The following SRFBP1 variants were observed in gnomAD, a reference collection of about 807,000 sequenced individuals.
The protein encoded by SRFBP1 is serum response factor binding protein 1.
A neutral mutation model predicts 45.5 loss-of-function variants in SRFBP1; 47 were observed. That is an observed-to-expected ratio of 1.03 (90% CI 0.82 to 1.32). The LOEUF is 1.32. SRFBP1 is among the 40% of genes most tolerant of loss of function. The pLI is 0.00. For synonymous variants in SRFBP1, 203 were observed against 166.3 expected (o/e 1.22, Z -1.70); for missense variants, 621 against 484.6 (o/e 1.28, Z -2.64).
intron 1 of SRFBP1, among the ~76,000 whole-genome samples, chr5:121,966,299 T>TA (rs1752062633): frequency 1.3e-5 from 2 of 152,254 alleles, no homozygotes; most frequent in Admixed American, 1.3e-4. Flanking sequence ...TTTACTCTTC[T>TA]AAAAAATAAA....
chr5:122,004,905 A>G (rs1396974953), intron 4 of SRFBP1, among the ~76,000 whole-genome samples: 1 of 152,068 alleles, frequency 6.6e-6, no homozygotes, highest in Non-Finnish European at 1.5e-5. Context: ...TCTTTGACTT[A>G]TTAGTTGTAC....
At chr5:122,048,544 A>G (rs935287637) in intron 2 of SRFBP1, among the ~76,000 whole-genome samples, 1 of 152,164 alleles carries the variant, frequency 6.6e-6, no homozygotes, top group South Asian at 2.1e-4. Flanking sequence ...TGGTATCAGG[A>G]TGATGCTGGC....
intron 7 of SRFBP1, 68 bp downstream of exon 7, chr5:122,022,475 G>A: frequency 7.1e-7 from 1 of 1,401,930 alleles, no homozygotes; most frequent in Non-Finnish European, 9.8e-7. Context: ...AAAAGAATGA[G>A]AAATTGTTGT....
At position 122,027,019 on chromosome 5, in the gene SRFBP1, C is replaced by T; in HGVS notation, c.1183C>T (p.Gln395Ter). The T allele has an allele frequency of 1.2e-6, 2 of 1,612,200 alleles. No individual in the cohort carries two copies. The highest frequency in any genetic ancestry group is 2.2e-5 in the South Asian group (2 of 90,970). Residue 395 changes from glutamine to a stop codon, truncating the protein, a stop_gained, in exon 8 of 8, where the codon CAA becomes TAA. Coordinates refer to ENST00000339397, the MANE Select transcript of SRFBP1 (RefSeq NM_152546.3). LOFTEE classifies it high-confidence loss of function. ...LSGRLENTKQ[Q>*]LQLPLHPSWE... ...AGGAAGACTTGAAAATACAAAACAG[C>T]AATTGCAGCTGCCTCTTCATCCTTC... is the stretch of plus-strand genomic sequence containing the variant.
At chr5:122,058,444 G>A (rs2152580719) in intron 2 of SRFBP1, among the ~76,000 whole-genome samples, 1 of 151,762 alleles carries the variant, frequency 6.6e-6, no homozygotes, top group South Asian at 2.1e-4. Context: ...TTGGGCAATG[G>A]CTTAGCTTCT....
intron 4 of SRFBP1, among the ~76,000 whole-genome samples, chr5:122,018,908 T>G (rs1440412757): frequency 6.6e-6 from 1 of 152,174 alleles, no homozygotes; most frequent in Non-Finnish European, 1.5e-5. Context: ...GATATTAATT[T>G]AGTCTTCTTA....
chr5:121,967,955 T>C (rs1752109699), intron 1 of SRFBP1, among the ~76,000 whole-genome samples: 2 of 152,326 alleles, frequency 1.3e-5, no homozygotes, highest in African/African-American at 4.8e-5. Flanking sequence ...TGTCAGTGTT[T>C]TGCTATATCT....
intron 2 of SRFBP1, among the ~76,000 whole-genome samples, chr5:122,053,467 A>G (rs776647014): frequency 1.3e-5 from 2 of 152,024 alleles, no homozygotes; most frequent in Non-Finnish European, 2.9e-5. Flanking sequence ...GCACCCTCCA[A>G]CTGAGTTCAT....
intron 2 of SRFBP1, among the ~76,000 whole-genome samples, chr5:122,053,473 T>A (rs1180236144): frequency 6.6e-6 from 1 of 151,748 alleles, no homozygotes; most frequent in African/African-American, 2.4e-5. Flanking sequence ...TCCAACTGAG[T>A]TCATGCAGAA....
At chr5:122,015,264 A>T (rs1216220577) in intron 4 of SRFBP1, among the ~76,000 whole-genome samples, 1 of 152,178 alleles carries the variant, frequency 6.6e-6, no homozygotes, top group African/African-American at 2.4e-5. Context: ...AATTGTTTCT[A>T]CCAAGACAGA....
intron 3 of SRFBP1, among the ~76,000 whole-genome samples, chr5:121,992,710 A>G (rs1285266945): frequency 1.3e-5 from 2 of 152,056 alleles, no homozygotes; most frequent in Admixed American, 1.3e-4. Flanking sequence ...AGAACTACAA[A>G]TGGTTTTCCC....
intron 2 of SRFBP1, chr5:122,065,253 G>A (rs1299711643): frequency 6.6e-6 from 1 of 152,024 alleles, no homozygotes; most frequent in Admixed American, 6.6e-5. Context: ...ACTAGTAATT[G>A]ATGTTGACTT....
intron 7 of SRFBP1, among the ~76,000 whole-genome samples, chr5:122,025,201 G>A (rs1230750353): frequency 2.6e-5 from 4 of 151,928 alleles, no homozygotes; most frequent in African/African-American, 4.8e-5. Flanking sequence ...TATGAGTGAG[G>A]ACATGCGGTG....
At chr5:121,964,585 G>T (rs1580493519) in intron 1 of SRFBP1, among the ~76,000 whole-genome samples, 1 of 152,266 alleles carries the variant, frequency 6.6e-6, no homozygotes, top group Admixed American at 6.5e-5. Flanking sequence ...TCATTATCCA[G>T]TCTATCATTG....
intron 4 of SRFBP1, among the ~76,000 whole-genome samples, chr5:121,998,215 C>T (rs530312770): frequency 7.1e-4 from 108 of 152,008 alleles, no homozygotes; most frequent in African/African-American, 2.3e-3. Flanking sequence ...CACATGCACA[C>T]GTATGTTTAT....
chr5:121,974,130 CAAAAT>C (rs1561576655), intron 1 of SRFBP1, 61 bp from the exon 2 acceptor site: 8 of 1,122,670 alleles, frequency 7.1e-6, no homozygotes, highest in Middle Eastern at 2.1e-4. Flanking sequence ...TATTAAGACT[CAAAAT>C]AAAGTGTGTT....
chr5:122,024,375 A>G lies in SRFBP1; in HGVS notation c.1105+1968A>G, dbSNP rs546087017. On this transcript the variant is annotated intron_variant, in intron 7 of 7. Coordinates refer to ENST00000339397, the MANE Select transcript of SRFBP1 (RefSeq NM_152546.3). ...CAAATTTTTATGTTATTGTAATGGT[A>G]CTTCAGAGTACCAATTTTAGTATTA... Among the ~76,000 whole-genome samples, 55 of 152,318 alleles carry G rather than the reference A, an allele frequency of 3.6e-4. No homozygotes were observed. In the Middle Eastern group the frequency reaches 0.02, roughly 57 times the overall value.
intron 4 of SRFBP1, among the ~76,000 whole-genome samples, chr5:122,007,272 CAG>C (rs1276290055): frequency 4.6e-5 from 7 of 152,014 alleles, no homozygotes; most frequent in Non-Finnish European, 1.0e-4. Flanking sequence ...CTTGGGGCCT[CAG>C]TCCATGGCAT....
intron 4 of SRFBP1, among the ~76,000 whole-genome samples, chr5:122,000,944 C>T (rs901952321): frequency 6.6e-6 from 1 of 152,092 alleles, no homozygotes; most frequent in Non-Finnish European, 1.5e-5. Flanking sequence ...GATACATTAT[C>T]ATTCTCTCTG....
Sources: gnomAD v4.1 joint callset for allele counts (sites outside exome capture counted in the v4.1 genomes callset) on GRCh38, gnomAD v4.1.1 for gene constraint, MANE v1.5 for transcripts, NCBI Gene and HGNC (gene_info 2026-07-23, HGNC 2026-07-21) for gene names.